Variants in CDC42BPA observed in about 807,000 individuals in gnomAD.
The protein encoded by CDC42BPA is serine/threonine-protein kinase MRCK alpha.
Under a neutral mutation model 223.5 loss-of-function variants are expected in CDC42BPA, and 80 were observed. The observed-to-expected ratio is 0.36, with a 90% confidence interval of 0.30 to 0.43. The LOEUF is 0.43. Among genes scored for constraint, CDC42BPA ranks in the 20% least tolerant of loss-of-function variants. The pLI, the probability that CDC42BPA is intolerant of heterozygous loss-of-function variation, is 1.00. For synonymous variants in CDC42BPA, 694 were observed against 718.6 expected, an observed-to-expected ratio of 0.97 and a Z score of 0.55; for missense variants, 1,743 against 2,099.9, an observed-to-expected ratio of 0.83 and a Z score of 3.32.
chr1:226,999,665 C>A (rs1267754135), intron 35 of CDC42BPA, among the ~76,000 whole-genome samples: 2 of 152,112 alleles, frequency 1.3e-5, no homozygotes, highest in African/African-American at 4.8e-5. Flanking sequence ...TTTATTGCAG[C>A]ACTATTCACC....
intron 10 of CDC42BPA, among the ~76,000 whole-genome samples, chr1:227,133,936 C>T (rs934153774): frequency 3.5e-5 from 5 of 142,048 alleles, no homozygotes; most frequent in South Asian, 4.5e-4. Flanking sequence ...TCCCCCTCTG[C>T]GAGAAACACC....
intron 1 of CDC42BPA, among the ~76,000 whole-genome samples, chr1:227,291,294 A>C (rs1689650437): frequency 6.6e-6 from 1 of 152,150 alleles, no homozygotes; most frequent in Non-Finnish European, 1.5e-5. Context: ...CATGCCTGTA[A>C]TCCCAGCAGT....
At chr1:227,179,497 G>A (rs1449084704) in intron 5 of CDC42BPA, among the ~76,000 whole-genome samples, 6 of 151,498 alleles carry the variant, frequency 4.0e-5, no homozygotes, top group African/African-American at 9.7e-5. Context: ...TTAGCCGGGC[G>A]TGGTGGTGGG....
intron 3 of CDC42BPA, among the ~76,000 whole-genome samples, chr1:227,210,160 T>G (rs1383052833): frequency 6.6e-6 from 1 of 152,210 alleles, no homozygotes; most frequent in Non-Finnish European, 1.5e-5. Context: ...TTTGCTATTG[T>G]GAATAGTGCC....
intron 6 of CDC42BPA, among the ~76,000 whole-genome samples, chr1:227,150,224 CAA>C (rs35252773): frequency 2.9e-5 from 4 of 136,688 alleles, no homozygotes; most frequent in African/African-American, 5.4e-5. Flanking sequence ...AACCCTGTCT[CAA>C]AAAAAAAAAA....
At chr1:227,089,639 T>TG (rs1558473021) in intron 16 of CDC42BPA, among the ~76,000 whole-genome samples, 23 of 140,976 alleles carry the variant, frequency 1.6e-4, no homozygotes, top group Non-Finnish European at 3.4e-4. Flanking sequence ...TTTTTTTTTT[T>TG]TTTTTTTTTT....
intron 10 of CDC42BPA, among the ~76,000 whole-genome samples, chr1:227,137,893 A>C (rs1658914046): frequency 6.6e-6 from 1 of 152,092 alleles, no homozygotes; most frequent in Non-Finnish European, 1.5e-5. Context: ...TGAGGACTTT[A>C]CCCTATGCTG....
chr1:227,205,268 C>CAAAAA lies in CDC42BPA; in HGVS notation c.355-5621_355-5617dup, dbSNP rs1158919272. ...TAGGCAACAGAGTGAGACTCTGTCT[C>CAAAAA]AAAAAAAAAAAAAAAATATATATAT... On this transcript the variant is annotated intron_variant, in intron 3 of 36. Coordinates refer to ENST00000366766, the MANE Select transcript of CDC42BPA (RefSeq NM_001394014.1). 8.7e-3 allele frequency among the ~76,000 whole-genome samples: 950 copies of CAAAAA among 109,636 alleles called. 3 individuals carry two copies. Among genetic ancestry groups the CAAAAA allele is most frequent in the African/African-American group, 0.033 (863 of 26,168 alleles). 71.9% of individuals were successfully genotyped at this position (109,636 alleles called of 152,430 possible). A position where few individuals can be genotyped will look rare whatever the true frequency, so the allele number is the denominator to read the frequency against.
At chr1:227,146,000 A>T (rs1046270453) in intron 7 of CDC42BPA, among the ~76,000 whole-genome samples, 8 of 152,150 alleles carry the variant, frequency 5.3e-5, no homozygotes, top group African/African-American at 1.9e-4. Context: ...TTAAACTGCT[A>T]TCAGAATGAA....
intron 23 of CDC42BPA, among the ~76,000 whole-genome samples, chr1:227,044,886 G>A (rs984988992): frequency 6.6e-6 from 1 of 151,880 alleles, no homozygotes; most frequent in Non-Finnish European, 1.5e-5. Context: ...TCCCACCCTC[G>A]ACTTTTACCT....
At chr1:227,196,456 C>G (rs1670746004) in intron 4 of CDC42BPA, among the ~76,000 whole-genome samples, 1 of 150,138 alleles carries the variant, frequency 6.7e-6, no homozygotes, top group African/African-American at 2.4e-5. Flanking sequence ...CCTCCTGCCT[C>G]AGCCTCCCCA....
At chr1:227,115,515 C>CA (rs11355371) in intron 12 of CDC42BPA, among the ~76,000 whole-genome samples, 3,030 of 144,988 alleles carry the variant, frequency 0.021, 38 homozygotes, top group Middle Eastern at 0.046. Context: ...ACCAGGTAGG[C>CA]AAAAAAAAAA....
intron 5 of CDC42BPA, among the ~76,000 whole-genome samples, chr1:227,187,488 A>G (rs1311154631): frequency 1.3e-4 from 5 of 37,892 alleles, no homozygotes; most frequent in African/African-American, 3.3e-4. Context: ...AGACTGGAAA[A>G]AAAAAAAAAA....
At chr1:227,281,088 C>T (rs1687942503) in intron 1 of CDC42BPA, among the ~76,000 whole-genome samples, 1 of 152,222 alleles carries the variant, frequency 6.6e-6, no homozygotes, top group African/African-American at 2.4e-5. Flanking sequence ...TTCACTTCCA[C>T]AAACACCATG....
At chr1:227,187,672 ACCCCC>A (rs150262459) in intron 5 of CDC42BPA, among the ~76,000 whole-genome samples, 1 of 39,590 alleles carries the variant, frequency 2.5e-5, no homozygotes, top group Non-Finnish European at 4.4e-5. Context: ...GATAAATGGC[ACCCCC>A]CACCCCCCCC....
chr1:227,072,248 T>A lies in CDC42BPA; in HGVS notation c.2787A>T (p.Glu929Asp). The A allele has an allele frequency of 6.2e-7, 1 of 1,609,862 alleles. No individual in the cohort carries two copies. Reference sequence around the variant, plus strand: ...GCTCTTCAGTGTCCTTTATCAGCTGTTCGATTTCTGAGAGTAGTTCCAAGT... The same window carrying A: ...GCTCTTCAGTGTCCTTTATCAGCTGATCGATTTCTGAGAGTAGTTCCAAGT... ...KKNLELLSEI[E>D]QLIKDTEELR... Residue 929 changes from glutamate (E) to aspartate (D), a missense_variant, in exon 20 of 37, where the codon GAA becomes GAT. Transcript: ENST00000366766.
At chr1:227,256,942 T>C (rs374958848) in intron 1 of CDC42BPA, among the ~76,000 whole-genome samples, 20,159 of 112,670 alleles carry the variant, frequency 0.18, 1,754 homozygotes, top group African/African-American at 0.27. Context: ...GTGATATATA[T>C]ATACAGACAC....
intron 1 of CDC42BPA, among the ~76,000 whole-genome samples, chr1:227,265,530 G>C (rs1477491722): frequency 6.6e-6 from 1 of 151,960 alleles, no homozygotes; most frequent in African/African-American, 2.4e-5. Flanking sequence ...TCAGGAGGCT[G>C]AGGCAGGAGT....
intron 5 of CDC42BPA, among the ~76,000 whole-genome samples, chr1:227,187,750 G>GA (rs1183600703): frequency 2.0e-5 from 2 of 101,988 alleles, no homozygotes; most frequent in Non-Finnish European, 3.8e-5. Flanking sequence ...AAAAAATAAA[G>GA]AAAAAAACCC....
Sources: allele counts gnomAD v4.1 joint callset (sites outside exome capture counted in the v4.1 genomes callset), GRCh38; gene constraint gnomAD v4.1.1; transcripts MANE v1.5; gene names NCBI Gene and HGNC (gene_info 2026-07-23, HGNC 2026-07-21).